JAM3: variants seen among roughly 807,000 people sequenced by gnomAD.
JAM3 encodes junctional adhesion molecule 3.
A neutral mutation model predicts 39.4 loss-of-function variants in JAM3; 31 were observed. That is an observed-to-expected ratio of 0.79 (90% CI 0.59 to 1.06). JAM3 has a LOEUF of 1.06. Among genes scored for constraint, JAM3 ranks in the 50% least tolerant of loss-of-function variants. The pLI, the probability that JAM3 is intolerant of heterozygous loss-of-function variation, is 0.00. For synonymous variants in JAM3, 182 were observed against 148.7 expected (o/e 1.22, Z -1.63); for missense variants, 455 against 391.4 (o/e 1.16, Z -1.37).
chr11:134,108,025 T>A (rs187673291), intron 1 of JAM3, among the ~76,000 whole-genome samples: 27 of 152,096 alleles, frequency 1.8e-4, no homozygotes, highest in Non-Finnish European at 7.4e-5. Flanking sequence ...GCTGTTTCTT[T>A]GAAAATATCA....
chr11:134,145,093 A>G (rs1565505899), intron 5 of JAM3, 99 bp downstream of exon 5: 1 of 1,017,514 alleles, frequency 9.8e-7, no homozygotes, highest in Non-Finnish European at 1.5e-6. Flanking sequence ...AAACTTCTTG[A>G]TAAGACAGGA....
chr11:134,076,574 A>C (rs979466102), intron 1 of JAM3, among the ~76,000 whole-genome samples: 1 of 152,178 alleles, frequency 6.6e-6, no homozygotes, highest in African/African-American at 2.4e-5. Flanking sequence ...TGACTTGTAC[A>C]TATGGTGGTT....
Position 134,087,798 on chromosome 11 carries a change from C to T in JAM3, c.76+18639C>T, listed in dbSNP as rs1173653375. Among the ~76,000 whole-genome samples, 10 of 152,290 alleles carry T rather than the reference C, an allele frequency of 6.6e-5. No individual in the cohort carries two copies. The South Asian group carries it at 2.1e-3, about 32-fold the overall frequency. Reference sequence around the variant, plus strand: ...ACCTAACCCTCTTAATTCGCATGGACATATAGGTTCTAGAATCTTAGAGCT... The same window carrying T: ...ACCTAACCCTCTTAATTCGCATGGATATATAGGTTCTAGAATCTTAGAGCT... On this transcript the variant is annotated intron_variant, in intron 1 of 8. Coordinates refer to ENST00000299106, the MANE Select transcript of JAM3 (RefSeq NM_032801.5).
chr11:134,088,146 C>T (rs1247424558), intron 1 of JAM3, among the ~76,000 whole-genome samples: 2 of 152,192 alleles, frequency 1.3e-5, no homozygotes, highest in African/African-American at 2.4e-5. Context: ...TAGAACTCAA[C>T]TTTATTAATA....
intron 1 of JAM3, among the ~76,000 whole-genome samples, chr11:134,090,479 T>C (rs1248774207): frequency 6.6e-6 from 1 of 152,178 alleles, no homozygotes; most frequent in Non-Finnish European, 1.5e-5. Flanking sequence ...GGAGAAGATA[T>C]ACAAAAGGAA....
intron 1 of JAM3, among the ~76,000 whole-genome samples, chr11:134,110,646 ATAAG>A (rs1354597440): frequency 2.0e-5 from 3 of 152,232 alleles, no homozygotes; most frequent in African/African-American, 4.8e-5. Context: ...GATGGGGTGA[ATAAG>A]GAAGGAAGGG....
At chr11:134,121,149 G>A (rs764199360) in intron 1 of JAM3, among the ~76,000 whole-genome samples, 10 of 152,210 alleles carry the variant, frequency 6.6e-5, no homozygotes, top group Non-Finnish European at 1.5e-4. Context: ...AGAACTGGGG[G>A]ACTGTGCTCC....
intron 1 of JAM3, among the ~76,000 whole-genome samples, chr11:134,123,573 C>A (rs1160651043): frequency 6.6e-6 from 1 of 152,218 alleles, no homozygotes; most frequent in Non-Finnish European, 1.5e-5. Flanking sequence ...ATTCAAACTC[C>A]AAAACTAGGA....
In JAM3 at chr11:134,149,396, C is replaced by G. The variant is rs147955855; in HGVS notation, c.*215C>G. ...AAGATGGACCCGGTAAATATAACCA[C>G]AAGGAAGCGAAACTGGGTGCGTTCA... On this transcript the variant is annotated 3_prime_UTR_variant, in exon 9 of 9. Transcript: ENST00000299106. The G allele has an allele frequency of 2.0e-4, 125 of 630,532 alleles. 1 individual carries two copies. In the South Asian group the frequency reaches 2.2e-3, roughly 11 times the overall value. 39.1% of individuals were successfully genotyped at this position (630,532 alleles called of 1,614,324 possible).
intron 1 of JAM3, among the ~76,000 whole-genome samples, chr11:134,122,629 G>A (rs1035375457): frequency 1.3e-5 from 2 of 152,032 alleles, no homozygotes; most frequent in African/African-American, 2.4e-5. Flanking sequence ...TTTAAACCAG[G>A]GATATTTTTT....
chr11:134,148,032 A>G (rs1943110989), intron 6 of JAM3: 2 of 194,326 alleles, frequency 1.0e-5, no homozygotes, highest in African/African-American at 4.7e-5. Flanking sequence ...TATAGATCGG[A>G]GGTCAGGCAG....
chr11:134,148,802 T>C lies in JAM3; in HGVS notation c.881T>C (p.Ile294Thr). ...NPGKPDGVNY[I>T]RTDEEGDFRH... The stretch of plus-strand genomic sequence containing the variant: ...GGGAAACCAGATGGAGTTAACTACA[T>C]CCGCACTGACGAGGAGGTAATCATT... The change falls in exon 8 of 9, where the codon ATC becomes ACC. Residue 294 changes from isoleucine (I) to threonine (T), a missense_variant. Physicochemically the swap from Ile to Thr is moderately conservative, Grantham distance 89. Coordinates refer to ENST00000299106, the MANE Select transcript of JAM3 (RefSeq NM_032801.5). The C allele has an allele frequency of 5.0e-6, 8 of 1,614,100 alleles. No homozygotes were observed. Among genetic ancestry groups the C allele is most frequent in the Non-Finnish European group, 6.8e-6 (8 of 1,180,012 alleles).
chr11:134,101,948 A>G (rs1319523088), intron 1 of JAM3, among the ~76,000 whole-genome samples: 1 of 152,152 alleles, frequency 6.6e-6, no homozygotes. Context: ...TGTATTCCCA[A>G]GAGTCTGAGG....
At chr11:134,124,405 A>G (rs182569256) in intron 1 of JAM3, 33 of 592,062 alleles carry the variant, frequency 5.6e-5, no homozygotes, top group African/African-American at 5.6e-4. Context: ...AAAATGTTTC[A>G]CAGCAGAAAA....
chr11:134,145,647 G>A (rs1318977185), intron 5 of JAM3, among the ~76,000 whole-genome samples: 1 of 152,150 alleles, frequency 6.6e-6, no homozygotes, highest in Non-Finnish European at 1.5e-5. Flanking sequence ...TGTTCATTTT[G>A]CCAAAATGTT....
intron 1 of JAM3, among the ~76,000 whole-genome samples, chr11:134,130,820 T>TGGG (rs1942755714): frequency 6.6e-6 from 1 of 152,222 alleles, no homozygotes; most frequent in South Asian, 2.1e-4. Context: ...CCAGCCTTTC[T>TGGG]GGGGGATACC....
intron 1 of JAM3, among the ~76,000 whole-genome samples, chr11:134,110,784 T>C (rs1221853058): frequency 6.6e-6 from 1 of 152,164 alleles, no homozygotes; most frequent in African/African-American, 2.4e-5. Context: ...TTCAAAGCTT[T>C]ACGTATATGC....
chr11:134,147,002 A>G (rs1943085331), intron 6 of JAM3, among the ~76,000 whole-genome samples: 1 of 152,184 alleles, frequency 6.6e-6, no homozygotes, highest in Admixed American at 6.5e-5. Flanking sequence ...GACATATGCT[A>G]GAAATGTCTG....
rs547244106 is a variant in JAM3 at position 134,103,008 on chromosome 11, A to C, written c.76+33849A>C. Among the ~76,000 whole-genome samples the C allele has an allele frequency of 5.9e-5, 9 of 152,312 alleles. No individual in the cohort carries two copies. The South Asian group carries it at 1.7e-3, about 28-fold the overall frequency. On this transcript the variant is annotated intron_variant, in intron 1 of 8. Transcript: ENST00000299106. ...CAACATTCAAATTCAGGAAATACAG[A>C]CAATGCCACAAAGATACTCCTCGAG...
Sources: gnomAD v4.1 joint callset for allele counts (sites outside exome capture counted in the v4.1 genomes callset) on GRCh38, gnomAD v4.1.1 for gene constraint, MANE v1.5 for transcripts, NCBI Gene and HGNC (gene_info 2026-07-23, HGNC 2026-07-21) for gene names.